Variants in KAZN observed in about 807,000 individuals in gnomAD.
The protein encoded by KAZN is kazrin, periplakin interacting protein.
A neutral mutation model predicts 87.4 loss-of-function variants in KAZN; 40 were observed. That is an observed-to-expected ratio of 0.46 (90% CI 0.36 to 0.60). The LOEUF is 0.60. KAZN is among the 20% of genes least tolerant of loss of function. The probability of loss-of-function intolerance (pLI) is 0.00; values close to 1 mark genes in which losing one functional copy is unlikely to be tolerated. For synonymous variants in KAZN, 466 were observed against 458.3 expected (o/e 1.02, Z -0.22); for missense variants, 898 against 1,073.9 (o/e 0.84, Z 2.29).
intron 12 of KAZN, among the ~76,000 whole-genome samples, 191 bp from the exon 13 acceptor site, chr1:15,103,832 T>A (rs1043238958): frequency 6.6e-6 from 1 of 152,208 alleles, no homozygotes; most frequent in South Asian, 2.1e-4. Context: ...AGGGACCATC[T>A]CAGTAACAGG....
chr1:14,349,094 G>C (rs1658329474), intron 2 of KAZN: 1 of 152,216 alleles, frequency 6.6e-6, no homozygotes, highest in Admixed American at 6.5e-5. Context: ...TTGTTCTTGG[G>C]GAGACAAGAT....
chr1:14,803,181 T>C (rs1572522977), intron 1 of KAZN, among the ~76,000 whole-genome samples: 2 of 151,802 alleles, frequency 1.3e-5, no homozygotes, highest in East Asian at 3.9e-4. Flanking sequence ...CTGCGCAGTG[T>C]CTGCTGAGGA....
At chr1:13,952,676 C>A (rs890415639) in intron 1 of KAZN, among the ~76,000 whole-genome samples, 16 of 152,022 alleles carry the variant, frequency 1.1e-4, no homozygotes, top group African/African-American at 3.9e-4. Flanking sequence ...TTTCAGAACA[C>A]CTTATAAAGT....
chr1:15,001,232 C>G (rs564363053), intron 2 of KAZN, among the ~76,000 whole-genome samples: 1 of 150,944 alleles, frequency 6.6e-6, no homozygotes, highest in East Asian at 2.0e-4. Context: ...GAGGCTGACG[C>G]GGGTGGATCA....
At chr1:14,557,556 G>A (rs983519670) in intron 2 of KAZN, among the ~76,000 whole-genome samples, 8 of 151,720 alleles carry the variant, frequency 5.3e-5, no homozygotes, top group Non-Finnish European at 7.4e-5. Context: ...ATAAAAGTTA[G>A]TCGTCAGCTT....
intron 1 of KAZN, among the ~76,000 whole-genome samples, chr1:14,000,590 T>C (rs1570492188): frequency 6.6e-6 from 1 of 152,260 alleles, no homozygotes; most frequent in African/African-American, 2.4e-5. Context: ...CCACAATGAA[T>C]ACCATACTGA....
At chr1:14,911,890 C>T (rs187091774) in intron 1 of KAZN, among the ~76,000 whole-genome samples, 86 of 152,228 alleles carry the variant, frequency 5.6e-4, no homozygotes, top group Non-Finnish European at 2.1e-4. Flanking sequence ...CGGTGGCTCA[C>T]GCCTGTAATC....
intron 2 of KAZN, among the ~76,000 whole-genome samples, chr1:14,419,946 A>G (rs142583929): frequency 6.6e-6 from 1 of 152,114 alleles, no homozygotes; most frequent in African/African-American, 2.4e-5. Flanking sequence ...AACTTCCACA[A>G]GGTGGAAGGG....
At chr1:14,955,090 C>T (rs1328324882) in intron 1 of KAZN, among the ~76,000 whole-genome samples, 1 of 152,104 alleles carries the variant, frequency 6.6e-6, no homozygotes, top group Non-Finnish European at 1.5e-5. Context: ...CTAAGGGAAC[C>T]CATGTTGTGA....
intron 2 of KAZN, among the ~76,000 whole-genome samples, chr1:14,319,511 C>G (rs1655901524): frequency 6.6e-6 from 1 of 152,136 alleles, no homozygotes; most frequent in South Asian, 2.1e-4. Context: ...GAGGGGGGCT[C>G]TATGCCGATT....
intron 2 of KAZN, among the ~76,000 whole-genome samples, chr1:14,264,493 A>G (rs1205399302): frequency 6.6e-6 from 1 of 152,158 alleles, no homozygotes; most frequent in Non-Finnish European, 1.5e-5. Flanking sequence ...GTTATTCCAG[A>G]AGTGGGTTAG....
At chr1:14,627,370 A>G (rs1572080143) in intron 1 of KAZN, among the ~76,000 whole-genome samples, 1 of 152,056 alleles carries the variant, frequency 6.6e-6, no homozygotes, top group East Asian at 1.9e-4. Flanking sequence ...CAGGAGGTCA[A>G]TAAGAGATGA....
chr1:14,090,795 G>A (rs1210856409), intron 1 of KAZN, among the ~76,000 whole-genome samples: 1 of 152,100 alleles, frequency 6.6e-6, no homozygotes, highest in African/African-American at 2.4e-5. Context: ...CCTCCCATGT[G>A]AACACAGATC....
chr1:14,042,467 C>T (rs1342838178), intron 1 of KAZN, among the ~76,000 whole-genome samples: 3 of 152,164 alleles, frequency 2.0e-5, no homozygotes, highest in Middle Eastern at 3.2e-3. Flanking sequence ...AGTTCCTGAG[C>T]AGGTCTAGGG....
At chr1:14,425,908 C>T (rs1205636680) in intron 2 of KAZN, among the ~76,000 whole-genome samples, 1 of 152,216 alleles carries the variant, frequency 6.6e-6, no homozygotes, top group Non-Finnish European at 1.5e-5. Flanking sequence ...TCAACACATT[C>T]ATCACCATCT....
At chr1:14,487,400 T>G (rs1669406881) in intron 2 of KAZN, among the ~76,000 whole-genome samples, 1 of 152,208 alleles carries the variant, frequency 6.6e-6, no homozygotes, top group Admixed American at 6.5e-5. Flanking sequence ...CAAAGATACA[T>G]GAGAAAAATC....
intron 2 of KAZN, among the ~76,000 whole-genome samples, chr1:14,360,906 T>G (rs1659449137): frequency 6.6e-6 from 1 of 152,230 alleles, no homozygotes; most frequent in Non-Finnish European, 1.5e-5. Context: ...CCAGTCAGGA[T>G]GCACGGGGGT....
chr1:14,764,378 T>TCCCCCCCCCCCC (rs1407501725), intron 1 of KAZN, among the ~76,000 whole-genome samples: 2 of 68,626 alleles, frequency 2.9e-5, no homozygotes, highest in Non-Finnish European at 6.5e-5. Context: ...CCCGACCCCC[T>TCCCCCCCCCCCC]CCCCCACACC....
At chr1:14,438,070 G>A (rs1666500415) in intron 2 of KAZN, among the ~76,000 whole-genome samples, 2 of 145,222 alleles carry the variant, frequency 1.4e-5, no homozygotes, top group South Asian at 2.2e-4. Context: ...CTTCAAGAAA[G>A]GTCAAAAAGT....
Sources: allele counts gnomAD v4.1 joint callset (sites outside exome capture counted in the v4.1 genomes callset), GRCh38; gene constraint gnomAD v4.1.1; transcripts MANE v1.5; gene names NCBI Gene and HGNC (gene_info 2026-07-23, HGNC 2026-07-21).